PPP2R5E: variants seen among roughly 807,000 people sequenced by gnomAD.
The protein encoded by PPP2R5E is protein phosphatase 2 regulatory subunit B'epsilon, also known as serine/threonine-protein phosphatase 2A 56 kDa regulatory subunit epsilon isoform.
A neutral mutation model predicts 65.3 loss-of-function variants in PPP2R5E; 4 were observed. That is an observed-to-expected ratio of 0.06 (90% CI 0.03 to 0.14). The LOEUF (loss-of-function observed/expected upper bound fraction) is 0.14, where lower values mean the gene tolerates loss of function less well. Ranked by LOEUF, PPP2R5E falls within the 10% of genes least tolerant of loss-of-function variation. PPP2R5E has a pLI of 1.00. For synonymous variants in PPP2R5E, 183 were observed against 187.4 expected, an observed-to-expected ratio of 0.98 and a Z score of 0.19; for missense variants, 274 against 556.1, an observed-to-expected ratio of 0.49 and a Z score of 5.10.
chr14:63,489,494 T>C (rs1433658472), intron 2 of PPP2R5E, among the ~76,000 whole-genome samples: 2 of 151,548 alleles, frequency 1.3e-5, no homozygotes, highest in African/African-American at 4.8e-5. Flanking sequence ...ACTGCAGCCT[T>C]GACCTCCCAG....
At chr14:63,403,167 C>G (rs1885853986) in intron 5 of PPP2R5E, among the ~76,000 whole-genome samples, 1 of 152,278 alleles carries the variant, frequency 6.6e-6, no homozygotes, top group East Asian at 1.9e-4. Context: ...TGGCTCACGC[C>G]TGTAATCCCA....
intron 2 of PPP2R5E, among the ~76,000 whole-genome samples, chr14:63,498,739 T>A (rs1423304440): frequency 6.6e-6 from 1 of 152,050 alleles, no homozygotes; most frequent in Non-Finnish European, 1.5e-5. Flanking sequence ...AATTCTTCAT[T>A]AGTCACAAAT....
At chr14:63,413,062 TTTC>T (rs1270356659) in intron 5 of PPP2R5E, among the ~76,000 whole-genome samples, 2 of 152,220 alleles carry the variant, frequency 1.3e-5, no homozygotes, top group Non-Finnish European at 2.9e-5. Context: ...GTATATGGCT[TTTC>T]TTCACTGAAA....
intron 2 of PPP2R5E, among the ~76,000 whole-genome samples, chr14:63,499,021 A>C (rs1039889554): frequency 6.6e-6 from 1 of 152,198 alleles, no homozygotes; most frequent in African/African-American, 2.4e-5. Context: ...TTTAAAATCA[A>C]AATTAGTCAT....
intron 2 of PPP2R5E, among the ~76,000 whole-genome samples, chr14:63,496,272 G>A (rs757226106): frequency 2.0e-5 from 3 of 151,844 alleles, no homozygotes; most frequent in Non-Finnish European, 4.4e-5. Flanking sequence ...GGAGGCCAAG[G>A]CAGGCAGATC....
At chr14:63,397,721 T>TA (rs1185181254) in intron 5 of PPP2R5E, among the ~76,000 whole-genome samples, 1 of 150,920 alleles carries the variant, frequency 6.6e-6, no homozygotes, top group Non-Finnish European at 1.5e-5. Context: ...TATATGTGAA[T>TA]AACTTTTTTT....
At position 63,415,120 on chromosome 14, in the gene PPP2R5E, A is replaced by T. The variant is rs2139861646; in HGVS notation, c.549+20T>A. 1 of 1,501,646 alleles carries T rather than the reference A, an allele frequency of 6.7e-7. No homozygotes were observed. The highest frequency in any genetic ancestry group is 1.7e-4 in the Middle Eastern group (1 of 5,872). The allele number at this position is 1,501,646 out of a possible 1,614,324, so 93.0% of individuals were successfully genotyped here. ...TGTTAACTGGATGACAAATACACAC[A>T]ACCACAATAATTTGCTTACCTGTAA... is the stretch of plus-strand genomic sequence containing the variant. On this transcript the variant is annotated intron_variant, in intron 5 of 13. Transcript: ENST00000337537.
chr14:63,426,897 T>TA (rs994894588), intron 3 of PPP2R5E, among the ~76,000 whole-genome samples: 13 of 152,182 alleles, frequency 8.5e-5, no homozygotes, highest in African/African-American at 2.9e-4. Flanking sequence ...GGCGTGTCTC[T>TA]AAATCCCCTG....
chr14:63,415,026 T>G (rs1886620393), intron 5 of PPP2R5E, 114 bp downstream of exon 5: 1 of 585,806 alleles, frequency 1.7e-6, no homozygotes, highest in Non-Finnish European at 3.0e-6. Context: ...TATATATATA[T>G]ATTTTGTGGG....
chr14:63,489,306 C>T (rs765189359), intron 2 of PPP2R5E, among the ~76,000 whole-genome samples: 1 of 152,082 alleles, frequency 6.6e-6, no homozygotes, highest in East Asian at 1.9e-4. Context: ...CACATACCCT[C>T]ACTCAACACA....
chr14:63,462,189 G>C (rs930645502), intron 2 of PPP2R5E, among the ~76,000 whole-genome samples: 1 of 151,814 alleles, frequency 6.6e-6, no homozygotes, highest in African/African-American at 2.4e-5. Flanking sequence ...TCCTGCTTCA[G>C]CTTCCCGAGT....
chr14:63,504,142 C>T (rs1892044279), intron 2 of PPP2R5E, among the ~76,000 whole-genome samples: 1 of 152,158 alleles, frequency 6.6e-6, no homozygotes, highest in African/African-American at 2.4e-5. Context: ...CACCGTAACA[C>T]CTGAGTAGCC....
intron 5 of PPP2R5E, among the ~76,000 whole-genome samples, chr14:63,405,736 G>A (rs1886035150): frequency 1.3e-5 from 2 of 152,054 alleles, no homozygotes; most frequent in South Asian, 4.2e-4. Context: ...AAGGGGTTGG[G>A]GGATCATAAA....
intron 3 of PPP2R5E, among the ~76,000 whole-genome samples, chr14:63,439,531 G>C (rs28620591): frequency 0.29 from 43,479 of 151,932 alleles, 7,485 homozygotes; most frequent in African/African-American, 0.48. Context: ...TGCGCCACCA[G>C]GCCTGGCTAA....
At chr14:63,501,544 GGA>G (rs1891886922) in intron 2 of PPP2R5E, among the ~76,000 whole-genome samples, 1 of 152,168 alleles carries the variant, frequency 6.6e-6, no homozygotes, top group South Asian at 2.1e-4. Flanking sequence ...GCCTGCAGCT[GGA>G]GAGAGAAGGT....
chr14:63,519,952 G>A (rs1233172796), intron 2 of PPP2R5E, among the ~76,000 whole-genome samples: 3 of 151,332 alleles, frequency 2.0e-5, no homozygotes, highest in East Asian at 3.9e-4. Flanking sequence ...GAGCCACCAC[G>A]CCTAGCTCCT....
At chr14:63,444,690 T>G (rs981764490) in intron 3 of PPP2R5E, among the ~76,000 whole-genome samples, 1 of 152,140 alleles carries the variant, frequency 6.6e-6, no homozygotes, top group Non-Finnish European at 1.5e-5. Context: ...ACAAGGTGAT[T>G]TGGAAAGCCA....
chr14:63,376,187 C>A, intron 13 of PPP2R5E, 79 bp from the exon 14 acceptor site: 1 of 983,616 alleles, frequency 1.0e-6, no homozygotes, highest in Admixed American at 2.0e-5. Flanking sequence ...ACAATTTCAC[C>A]TTAACACTCC....
At chr14:63,498,562 AT>A (rs200380543) in intron 2 of PPP2R5E, among the ~76,000 whole-genome samples, 3,594 of 148,126 alleles carry the variant, frequency 0.024, 138 homozygotes, top group African/African-American at 0.083. Flanking sequence ...CTTTTAAGTA[AT>A]TTTTTTTTTT....
Sources: gnomAD v4.1 joint callset for allele counts (sites outside exome capture counted in the v4.1 genomes callset) on GRCh38, gnomAD v4.1.1 for gene constraint, MANE v1.5 for transcripts, NCBI Gene and HGNC (gene_info 2026-07-23, HGNC 2026-07-21) for gene names.